PMF1: variants seen among roughly 807,000 people sequenced by gnomAD.
PMF1 encodes the protein polyamine-modulated factor 1.
PMF1 carries 21 observed loss-of-function variants against 26.7 expected under a neutral mutation model. The ratio of observed to expected loss-of-function variants is 0.79; its 90% CI spans 0.56 to 1.13. The LOEUF is 1.13. PMF1 is among the 50% of genes most tolerant of loss of function. The pLI, the probability that PMF1 is intolerant of heterozygous loss-of-function variation, is 0.00. For synonymous variants in PMF1, 105 were observed against 101.0 expected (o/e 1.04, Z -0.24); for missense variants, 266 against 254.9 (o/e 1.04, Z -0.30).
Position 156,235,400 on chromosome 1 carries a change from AG to A in PMF1, c.369-886del, listed in dbSNP as rs372729440. Among the ~76,000 whole-genome samples the A allele has an allele frequency of 1.8e-3, 273 of 150,992 alleles. No individual in the cohort carries two copies. In the South Asian group the frequency reaches 0.022, roughly 12 times the overall value. On this transcript the variant is annotated intron_variant, in intron 3 of 4. Transcript: ENST00000368277. ...TGGCCTCCCAAAGTGCTGAGATTACAGGCATGAGCCACCGCGCTCAGCCATT... is the reference window on the plus strand; with the variant it reads ...TGGCCTCCCAAAGTGCTGAGATTACAGCATGAGCCACCGCGCTCAGCCATT...
chr1:156,238,247 T>C (rs1659151934), intron 4 of PMF1, among the ~76,000 whole-genome samples: 1 of 152,370 alleles, frequency 6.6e-6, no homozygotes, highest in African/African-American at 2.4e-5. Flanking sequence ...CAGGATTATT[T>C]TGACTATCTG....
intron 1 of PMF1, among the ~76,000 whole-genome samples, chr1:156,226,714 A>G (rs1179734727): frequency 6.6e-6 from 1 of 152,248 alleles, no homozygotes; most frequent in Non-Finnish European, 1.5e-5. Flanking sequence ...TCCCCATTTG[A>G]CAGAGGAGGA....
chr1:156,235,854 C>G (rs1362249222), intron 3 of PMF1, among the ~76,000 whole-genome samples: 1 of 152,188 alleles, frequency 6.6e-6, no homozygotes, highest in Non-Finnish European at 1.5e-5. Context: ...GGGGGCCTCC[C>G]ACAGTCTGGG....
chr1:156,222,533 C>T (rs1011004636), intron 1 of PMF1, among the ~76,000 whole-genome samples: 1 of 152,196 alleles, frequency 6.6e-6, no homozygotes, highest in Non-Finnish European at 1.5e-5. Context: ...CAGGCATGAG[C>T]CACCACGCCC....
At chr1:156,218,224 G>T (rs546563942) in intron 1 of PMF1, among the ~76,000 whole-genome samples, 6 of 152,058 alleles carry the variant, frequency 3.9e-5, no homozygotes, top group Non-Finnish European at 8.8e-5. Flanking sequence ...TTTAAAAATG[G>T]GTTTTTTATC....
intron 1 of PMF1, among the ~76,000 whole-genome samples, chr1:156,219,967 CTTT>C (rs796375492): frequency 1.6e-5 from 2 of 127,306 alleles, no homozygotes. Flanking sequence ...CCATGCTGGT[CTTT>C]TTTTTTTTTT....
chr1:156,213,189 C>G lies in PMF1; in HGVS notation c.161+13C>G. 1 of 1,611,510 alleles carries G rather than the reference C, an allele frequency of 6.2e-7. No homozygotes were observed. Among genetic ancestry groups the G allele is most frequent in the Non-Finnish European group, 8.5e-7 (1 of 1,178,016 alleles). ...TCGCCGCCGGCAGGTAAAGTGGACGCAGCCGCGGTGGGAGTGTTTGTTGGC... is the reference window on the plus strand; with the variant it reads ...TCGCCGCCGGCAGGTAAAGTGGACGGAGCCGCGGTGGGAGTGTTTGTTGGC... On this transcript the variant is annotated intron_variant, in intron 1 of 4. Transcript: ENST00000368277.
intron 3 of PMF1, 70 bp downstream of exon 3, chr1:156,233,798 T>C: frequency 1.5e-6 from 2 of 1,352,482 alleles, no homozygotes; most frequent in Non-Finnish European, 1.0e-6. Flanking sequence ...TTTTTTTTTC[T>C]AGAGTCAGGG....
intron 1 of PMF1, among the ~76,000 whole-genome samples, chr1:156,215,806 A>G (rs975828630): frequency 6.6e-6 from 1 of 152,060 alleles, no homozygotes; most frequent in African/African-American, 2.4e-5. Flanking sequence ...CTCCTGTCTC[A>G]GCCTCCCGAG....
intron 1 of PMF1, among the ~76,000 whole-genome samples, chr1:156,217,738 A>C (rs1042806492): frequency 5.9e-5 from 9 of 152,092 alleles, no homozygotes; most frequent in Non-Finnish European, 8.8e-5. Context: ...AAAAAAAAAA[A>C]AAAAACAAAA....
rs750211673 is a variant in PMF1, at chr1:156,232,347, G to A, written c.189G>A (p.Lys63=). 5 of 1,614,102 alleles carry A rather than the reference G, an allele frequency of 3.1e-6. No homozygotes were observed. In the South Asian group the frequency reaches 5.5e-5, roughly 18 times the overall value. ...GSYQRFTDCY[K]CFYQLQPAMT... is the part of the protein sequence containing the mutation. The stretch of plus-strand genomic sequence containing the variant: ...ACCAGAGATTCACTGACTGCTATAA[G>A]TGCTTCTACCAGTTGCAGCCTGCGA... The change falls in exon 2 of 5, where the codon AAG becomes AAA. Residue 63 remains lysine, a synonymous_variant. Coordinates refer to ENST00000368277, the MANE Select transcript of PMF1 (RefSeq NM_007221.4).
At chr1:156,232,003 A>G (rs529829952) in intron 1 of PMF1, among the ~76,000 whole-genome samples, 1 of 152,328 alleles carries the variant, frequency 6.6e-6, no homozygotes, top group East Asian at 1.9e-4. Context: ...GTGGTTCCCC[A>G]GACCAGCACC....
chr1:156,213,256 G>T, intron 1 of PMF1, 80 bp downstream of exon 1: 1 of 1,560,126 alleles, frequency 6.4e-7, no homozygotes, highest in Non-Finnish European at 8.7e-7. Context: ...GCCGCAGGCT[G>T]GCGCGCGGTG....
chr1:156,227,241 C>T (rs531331820), intron 1 of PMF1, among the ~76,000 whole-genome samples: 36 of 152,120 alleles, frequency 2.4e-4, no homozygotes, highest in South Asian at 1.5e-3. Flanking sequence ...CAATGGCTCA[C>T]GCCTGTAATC....
At chr1:156,225,548 T>C in intron 1 of PMF1, 1 of 1,505,414 alleles carries the variant, frequency 6.6e-7, no homozygotes, top group Non-Finnish European at 9.0e-7. Flanking sequence ...CTGTTTGTTT[T>C]GTTCTCAGCT....
chr1:156,229,861 C>G (rs930029985), intron 1 of PMF1, among the ~76,000 whole-genome samples: 4 of 152,244 alleles, frequency 2.6e-5, no homozygotes, highest in African/African-American at 9.6e-5. Context: ...GCATGAGCCA[C>G]TGCGCCCAGG....
chr1:156,233,781 C>CTTTT, intron 3 of PMF1, 53 bp downstream of exon 3: 22 of 1,260,142 alleles, frequency 1.7e-5, no homozygotes, highest in East Asian at 2.7e-5. Flanking sequence ...AGCAATTAAG[C>CTTTT]TTTTTTTTTT....
Position 156,236,397 on chromosome 1 carries a change from C to T in PMF1, c.478C>T (p.Gln160Ter), listed in dbSNP as rs761027917. 10 of 1,614,098 alleles carry T rather than the reference C, an allele frequency of 6.2e-6. No homozygotes were observed. In the African/African-American group the frequency reaches 1.3e-4, roughly 22 times the overall value. ...TGTGCAGAAACAGGAGGCCGAGAACCAGCAGCTGGCAGATGCCGTCCTGGC... is the reference window on the plus strand; with the variant it reads ...TGTGCAGAAACAGGAGGCCGAGAACTAGCAGCTGGCAGATGCCGTCCTGGC... Reference protein sequence around the residue: ...RHVQKQEAENQQLADAVLAGR... With the variant: ...RHVQKQEAEN Residue 160 changes from glutamine (Q) to a stop codon, truncating the protein, a stop_gained, in exon 4 of 5, where the codon CAG becomes TAG. Coordinates refer to ENST00000368277, the MANE Select transcript of PMF1 (RefSeq NM_007221.4). LOFTEE classifies it high-confidence loss of function.
intron 1 of PMF1, among the ~76,000 whole-genome samples, chr1:156,228,253 G>A (rs1297751455): frequency 3.9e-5 from 3 of 76,814 alleles, no homozygotes; most frequent in Non-Finnish European, 8.7e-5. Context: ...ACCGCACCTG[G>A]CGATTTTTTT....
Sources: allele counts gnomAD v4.1 joint callset (sites outside exome capture counted in the v4.1 genomes callset), GRCh38; gene constraint gnomAD v4.1.1; transcripts MANE v1.5; gene names NCBI Gene and HGNC (gene_info 2026-07-23, HGNC 2026-07-21).